Variants in ALPL observed in about 807,000 individuals in gnomAD.
ALPL encodes the protein alkaline phosphatase, tissue-nonspecific isozyme.
In ALPL, 42 loss-of-function variants were observed where a neutral mutation model predicts 51.3. The observed-to-expected ratio is 0.82, with a 90% CI of 0.64 to 1.06. The LOEUF is 1.06. Ranked by LOEUF, ALPL falls within the 50% of genes least tolerant of loss-of-function variation. ALPL has a pLI of 0.00. For missense variants in ALPL, 589 were observed against 709.4 expected (o/e 0.83, Z 1.93); for synonymous variants, 279 against 296.4 (o/e 0.94, Z 0.60).
intron 1 of ALPL, among the ~76,000 whole-genome samples, chr1:21,534,518 G>A (rs112587136): frequency 2.0e-5 from 3 of 152,134 alleles, no homozygotes; most frequent in African/African-American, 7.2e-5. Flanking sequence ...CAAACCCAGA[G>A]CTGAAGCTTC....
chr1:21,545,839 C>G (rs1384445866), intron 1 of ALPL, among the ~76,000 whole-genome samples: 2 of 151,998 alleles, frequency 1.3e-5, no homozygotes, highest in East Asian at 3.9e-4. Context: ...TATTTTGAGA[C>G]AGAGTCTCGC....
intron 1 of ALPL, among the ~76,000 whole-genome samples, chr1:21,530,307 A>G (rs936189731): frequency 3.3e-5 from 5 of 152,178 alleles, no homozygotes; most frequent in African/African-American, 1.2e-4. Context: ...TCTAATACGG[A>G]TGATTCCAGC....
At chr1:21,546,858 G>T (rs1644259576) in intron 1 of ALPL, among the ~76,000 whole-genome samples, 1 of 152,254 alleles carries the variant, frequency 6.6e-6, no homozygotes, top group Non-Finnish European at 1.5e-5. Context: ...GTCTTCTTCT[G>T]AGCATGGGTG....
chr1:21,556,870 C>T (rs1048690513), intron 2 of ALPL, among the ~76,000 whole-genome samples: 55 of 152,156 alleles, frequency 3.6e-4, no homozygotes, highest in African/African-American at 1.2e-3. Context: ...ACCCAGGAGG[C>T]GGAGGTTGCA....
chr1:21,515,196 T>C (rs1474946681), intron 1 of ALPL, among the ~76,000 whole-genome samples: 1 of 152,202 alleles, frequency 6.6e-6, no homozygotes, highest in African/African-American at 2.4e-5. Context: ...AAAAAGTTTT[T>C]AGGTGGCTGA....
chr1:21,536,638 C>G (rs1333997985), intron 1 of ALPL, among the ~76,000 whole-genome samples: 1 of 152,092 alleles, frequency 6.6e-6, no homozygotes, highest in Non-Finnish European at 1.5e-5. Context: ...CATAACCCAG[C>G]AAGCAGACAG....
chr1:21,568,131 A>C lies in ALPL; in HGVS notation c.676A>C (p.Met226Leu), dbSNP rs767334437. 6.2e-7 allele frequency: 1 copy of C among 1,614,072 alleles called. No homozygotes were observed. The highest frequency in any genetic ancestry group is 8.5e-7 in the Non-Finnish European group (1 of 1,180,018). ...GATCATGGGGGGTGGCCGGAAATAC[A>C]TGTACCCCAAGAATAAAACTGATGT... ...DVIMGGGRKY[M>L]YPKNKTDVEY... Residue 226 changes from methionine (M) to leucine (L), a missense_variant, in exon 7 of 12, where the codon ATG (methionine) becomes CTG (leucine). By Grantham distance (15) the Met-to-Leu change is conservative (BLOSUM62 2). Transcript: ENST00000374840.
Position 21,522,998 on chromosome 1 carries a change from C to T in ALPL, c.-105+13481C>T, listed in dbSNP as rs151109972. On this transcript the variant is annotated intron_variant, in intron 1 of 11. Transcript: ENST00000374840. ...GGGGAGCCAGGCTCAGAAATAAGCTCATTTGGGCTGGGCGCAGTGGCCCCT... is the reference window on the plus strand; with the variant it reads ...GGGGAGCCAGGCTCAGAAATAAGCTTATTTGGGCTGGGCGCAGTGGCCCCT... Among the ~76,000 whole-genome samples the T allele has an allele frequency of 5.6e-3, 854 of 152,230 alleles. 8 individuals are homozygous for T. The highest frequency in any genetic ancestry group is 0.038 in the South Asian group (182 of 4,814).
At chr1:21,569,193 G>C (rs990550500) in intron 7 of ALPL, among the ~76,000 whole-genome samples, 2 of 152,120 alleles carry the variant, frequency 1.3e-5, no homozygotes, top group African/African-American at 4.8e-5. Flanking sequence ...GTCAGCTCAG[G>C]CTGGGCCAGA....
intron 6 of ALPL, among the ~76,000 whole-genome samples, chr1:21,567,611 C>T (rs3767151): frequency 0.18 from 27,856 of 152,192 alleles, 3,127 homozygotes; most frequent in East Asian, 0.45. Flanking sequence ...CCTAGTGCCA[C>T]AGCCGGAAAA....
chr1:21,564,174 G>A lies in ALPL; in HGVS notation c.606G>A (p.Lys202=), dbSNP rs200597048. The A allele has an allele frequency of 3.1e-6, 5 of 1,613,922 alleles. No individual in the cohort carries two copies. Among genetic ancestry groups the A allele is most frequent in the African/African-American group, 1.3e-5 (1 of 74,920 alleles). Reference sequence around the variant, plus strand: ...CTGAGGCCTTGAGCCAGGGCTGTAAGGACATCGCCTACCAGCTCATGCATA... The same window carrying A: ...CTGAGGCCTTGAGCCAGGGCTGTAAAGACATCGCCTACCAGCTCATGCATA... The part of the protein sequence containing the change: ...MPPEALSQGC[K]DIAYQLMHNI... The change falls in exon 6 of 12, where the codon AAG becomes AAA. Residue 202 remains lysine, a synonymous_variant. Transcript: ENST00000374840. This position sits in a 1 kb window ranked among gnomAD's most constrained non-coding sequence, Gnocchi z 5.8.
At chr1:21,541,733 A>G (rs921072822) in intron 1 of ALPL, among the ~76,000 whole-genome samples, 7 of 152,066 alleles carry the variant, frequency 4.6e-5, no homozygotes, top group Non-Finnish European at 8.8e-5. Flanking sequence ...GGGCAGGGGG[A>G]GGGATTCATT....
intron 1 of ALPL, among the ~76,000 whole-genome samples, chr1:21,534,414 A>C (rs754402266): frequency 1.3e-5 from 2 of 152,230 alleles, no homozygotes; most frequent in African/African-American, 4.8e-5. Context: ...TTTGGGGCTC[A>C]TAAGACCTGA....
intron 5 of ALPL, 112 bp from the exon 6 acceptor site, chr1:21,563,929 C>G: frequency 7.1e-7 from 1 of 1,401,658 alleles, no homozygotes; most frequent in Admixed American, 1.9e-5. Flanking sequence ...CCGGGCAATC[C>G]TCAGAACTGA....
intron 10 of ALPL, 44 bp from the exon 11 acceptor site, chr1:21,576,478 C>T (rs769417025): frequency 8.1e-6 from 13 of 1,608,998 alleles, no homozygotes; most frequent in Admixed American, 3.3e-5. Flanking sequence ...GGACTGTACT[C>T]CTGGGGCCCC....
At chr1:21,514,569 G>C (rs138190227) in intron 1 of ALPL, among the ~76,000 whole-genome samples, 304 of 152,310 alleles carry the variant, frequency 2.0e-3, no homozygotes, top group African/African-American at 7.0e-3. Context: ...CCAGAGGGTA[G>C]CACAGGAGGC....
chr1:21,570,254 T>C lies in ALPL; in HGVS notation c.793-51T>C, dbSNP rs1208765869. Reference sequence around the variant, plus strand: ...CTCTGATAGCTGCTGGGGTCAGTCCTTCCGACTCTCCCTAGCCCCCGGCAT... The same window carrying C: ...CTCTGATAGCTGCTGGGGTCAGTCCCTCCGACTCTCCCTAGCCCCCGGCAT... On this transcript the variant is annotated intron_variant, in intron 7 of 11. Coordinates refer to ENST00000374840, the MANE Select transcript of ALPL (RefSeq NM_000478.6). 7 of 1,578,710 alleles carry C rather than the reference T, an allele frequency of 4.4e-6. No individual in the cohort carries two copies. In the South Asian group the frequency reaches 7.8e-5, roughly 18 times the overall value.
At chr1:21,571,283 A>G (rs1256327) in intron 8 of ALPL, among the ~76,000 whole-genome samples, 76,747 of 152,018 alleles carry the variant, frequency 0.5, 19,839 homozygotes, top group Non-Finnish European at 0.58. Context: ...GGAGATAGTG[A>G]TGGGGCTGGA....
intron 2 of ALPL, among the ~76,000 whole-genome samples, chr1:21,554,803 GTCTGTCTGTCTGTCTTTCTTTCTTTCTT>G (rs1372887064): frequency 3.5e-4 from 15 of 42,788 alleles, no homozygotes; most frequent in Admixed American, 4.8e-4. Flanking sequence ...CTGTCTGTCT[GTCTGTCTGTCTGTCTTTCTTTCTTTCTT>G]TCTTTCTTTC....
Sources: allele counts gnomAD v4.1 joint callset (sites outside exome capture counted in the v4.1 genomes callset), GRCh38; gene constraint gnomAD v4.1.1; non-coding constraint Gnocchi (gnomAD v3.1); transcripts MANE v1.5; gene names NCBI Gene and HGNC (gene_info 2026-07-23, HGNC 2026-07-21).